RALYL: variants seen among roughly 807,000 people sequenced by gnomAD.
The protein encoded by RALYL is RALY RNA binding protein like.
Under a neutral mutation model 35.1 loss-of-function variants are expected in RALYL, and 29 were observed. That is an observed-to-expected ratio of 0.83 (90% CI 0.61 to 1.13). The LOEUF (loss-of-function observed/expected upper bound fraction) is 1.13. Ranked by LOEUF, RALYL falls within the 50% of genes most tolerant of loss-of-function variation. The probability of loss-of-function intolerance (pLI) is 0.00; values close to 1 mark genes in which losing one functional copy is unlikely to be tolerated. For synonymous variants in RALYL, 120 were observed against 127.6 expected, an observed-to-expected ratio of 0.94 and a Z score of 0.40; for missense variants, 359 against 360.4, an observed-to-expected ratio of 1.00 and a Z score of 0.03.
At chr8:84,417,895 G>A (rs773226773) in intron 1 of RALYL, among the ~76,000 whole-genome samples, 14 of 152,112 alleles carry the variant, frequency 9.2e-5, no homozygotes, top group South Asian at 6.2e-4. Flanking sequence ...TTCAGCTTTC[G>A]GAAATTAAAA....
chr8:84,814,348 G>GGAAA lies in RALYL; in HGVS notation c.365+9549_365+9552dup, dbSNP rs530581948. Among the ~76,000 whole-genome samples the GGAAA allele has an allele frequency of 5.1e-4, 78 of 152,140 alleles. No individual in the cohort carries two copies. The East Asian group carries it at 0.014, about 28-fold the overall frequency. ...AAACCAACAGAAGTTATTATAATGGGGAAAGATAAAAATTGTCATGAAATG... is the reference window on the plus strand; with the variant it reads ...AAACCAACAGAAGTTATTATAATGGGGAAAGAAAGATAAAAATTGTCATGAAATG... On this transcript the variant is annotated intron_variant, in intron 4 of 8. Transcript: ENST00000521268.
chr8:84,423,492 A>T (rs1185665096), intron 1 of RALYL, among the ~76,000 whole-genome samples: 1 of 151,812 alleles, frequency 6.6e-6, no homozygotes, highest in Admixed American at 6.6e-5. Flanking sequence ...ATGGATCTTG[A>T]CTCTTTATCC....
chr8:84,454,439 G>A (rs2049903622), intron 1 of RALYL, among the ~76,000 whole-genome samples: 1 of 151,926 alleles, frequency 6.6e-6, no homozygotes, highest in Non-Finnish European at 1.5e-5. Context: ...GATCTTTAAG[G>A]ATCAATGAGT....
At chr8:84,457,035 C>T (rs186164437) in intron 1 of RALYL, among the ~76,000 whole-genome samples, 258 of 152,044 alleles carry the variant, frequency 1.7e-3, no homozygotes, top group African/African-American at 5.0e-3. Flanking sequence ...TATTTTTCTA[C>T]TGACAATGCA....
At chr8:84,766,418 G>T (rs931071041) in intron 2 of RALYL, among the ~76,000 whole-genome samples, 9 of 151,766 alleles carry the variant, frequency 5.9e-5, no homozygotes, top group African/African-American at 2.2e-4. Flanking sequence ...TCCCAGCCAG[G>T]CGTGGTGGCT....
At chr8:84,457,043 GC>G (rs1438547713) in intron 1 of RALYL, among the ~76,000 whole-genome samples, 2 of 151,900 alleles carry the variant, frequency 1.3e-5, no homozygotes, top group Non-Finnish European at 2.9e-5. Flanking sequence ...TACTGACAAT[GC>G]AAATGCTTAT....
At chr8:84,864,259 T>C (rs952594617) in intron 6 of RALYL, among the ~76,000 whole-genome samples, 6 of 151,892 alleles carry the variant, frequency 4.0e-5, no homozygotes, top group Non-Finnish European at 7.4e-5. Flanking sequence ...AATCTGAAAA[T>C]TGGACTACTA....
intron 1 of RALYL, among the ~76,000 whole-genome samples, chr8:84,477,372 A>ACATAT (rs2053545582): frequency 6.9e-6 from 1 of 145,626 alleles, no homozygotes; most frequent in Admixed American, 6.9e-5. Context: ...CATATATTTT[A>ACATAT]ATATAATGTA....
intron 1 of RALYL, among the ~76,000 whole-genome samples, chr8:84,263,106 T>G (rs1211371085): frequency 6.6e-6 from 1 of 152,074 alleles, no homozygotes; most frequent in Non-Finnish European, 1.5e-5. Flanking sequence ...ACTTATACCT[T>G]ATGAATATAT....
chr8:84,187,227 T>C (rs60194646), intron 1 of RALYL, among the ~76,000 whole-genome samples: 13,166 of 152,100 alleles, frequency 0.087, 630 homozygotes, highest in East Asian at 0.24. Flanking sequence ...CAAGAACTTT[T>C]TATGGGATAA....
chr8:84,810,570 T>A lies in RALYL; in HGVS notation c.365+5768T>A, dbSNP rs563977397. Among the ~76,000 whole-genome samples, 7 of 152,304 alleles carry A rather than the reference T, an allele frequency of 4.6e-5. No homozygotes were observed. The East Asian group carries it at 1.3e-3, about 29-fold the overall frequency. The stretch of plus-strand genomic sequence containing the variant: ...CTTTCTGTCTTGATGACCTGTCTAG[T>A]GCTGTCAGTGGAGTATTGAAGTTCC... On this transcript the variant is annotated intron_variant, in intron 4 of 8. Transcript: ENST00000521268.
intron 1 of RALYL, among the ~76,000 whole-genome samples, chr8:84,389,180 C>G (rs1217032529): frequency 1.3e-5 from 2 of 152,074 alleles, no homozygotes; most frequent in Non-Finnish European, 2.9e-5. Flanking sequence ...TCTGAGGGCT[C>G]TGTTCTGTTC....
At chr8:84,798,357 T>G (rs1822423076) in intron 3 of RALYL, among the ~76,000 whole-genome samples, 1 of 152,212 alleles carries the variant, frequency 6.6e-6, no homozygotes, top group Non-Finnish European at 1.5e-5. Context: ...ACAATGATGG[T>G]TAATATTTAT....
chr8:84,617,132 G>C (rs1588536763), intron 2 of RALYL, among the ~76,000 whole-genome samples: 1 of 150,674 alleles, frequency 6.6e-6, no homozygotes, highest in Non-Finnish European at 1.5e-5. Flanking sequence ...TGTGAAGAAA[G>C]TCATTGGTAG....
At chr8:84,540,055 G>A (rs146886311) in intron 2 of RALYL, among the ~76,000 whole-genome samples, 4,667 of 150,964 alleles carry the variant, frequency 0.031, 124 homozygotes, top group Middle Eastern at 0.045. Context: ...GTTTATTCCC[G>A]GTCTATTTAT....
In RALYL at chr8:84,277,322, A is replaced by G. The variant is rs550096483; in HGVS notation, c.-24+92898A>G. On this transcript the variant is annotated intron_variant, in intron 1 of 8. Transcript: ENST00000521268. Reference sequence around the variant, plus strand: ...TCAGATCTTGTGAGACTTATTCACTACCATGAGAACAGTATGGGGGAAACT... The same window carrying G: ...TCAGATCTTGTGAGACTTATTCACTGCCATGAGAACAGTATGGGGGAAACT... Among the ~76,000 whole-genome samples the G allele has an allele frequency of 5.3e-5, 8 of 152,300 alleles. No homozygotes were observed. In the South Asian group the frequency reaches 1.7e-3, roughly 32 times the overall value.
At chr8:84,709,726 C>A (rs566006103) in intron 2 of RALYL, among the ~76,000 whole-genome samples, 1 of 152,184 alleles carries the variant, frequency 6.6e-6, no homozygotes, top group African/African-American at 2.4e-5. Flanking sequence ...CCACTACTTT[C>A]TTCTCTTCCT....
intron 8 of RALYL, among the ~76,000 whole-genome samples, chr8:84,905,708 T>A (rs1395516801): frequency 1.3e-5 from 2 of 151,750 alleles, no homozygotes; most frequent in Non-Finnish European, 2.9e-5. Flanking sequence ...CTATTTTTTT[T>A]TTTTTTGAGA....
At chr8:84,715,656 A>C (rs766855117) in intron 2 of RALYL, among the ~76,000 whole-genome samples, 14 of 151,960 alleles carry the variant, frequency 9.2e-5, no homozygotes, top group Non-Finnish European at 2.1e-4. Context: ...AACTTAGAAT[A>C]AGTGAAGTTC....
Sources: allele counts gnomAD v4.1 joint callset (sites outside exome capture counted in the v4.1 genomes callset), GRCh38; gene constraint gnomAD v4.1.1; transcripts MANE v1.5; gene names NCBI Gene and HGNC (gene_info 2026-07-23, HGNC 2026-07-21).